FBN2: variants seen among roughly 807,000 people sequenced by gnomAD.
FBN2 encodes the protein fibrillin-2.
FBN2 carries 105 observed loss-of-function variants against 355.6 expected under a neutral mutation model. That is an observed-to-expected ratio of 0.30 (90% confidence interval 0.25 to 0.35). The LOEUF (loss-of-function observed/expected upper bound fraction) is 0.35. Ranked by LOEUF, FBN2 falls within the 10% of genes least tolerant of loss-of-function variation. The pLI is 1.00. For missense variants in FBN2, 3,280 were observed against 3,758.7 expected (o/e 0.87, Z 3.33); for synonymous variants, 1,350 against 1,301.2 (o/e 1.04, Z -0.81).
chr5:128,481,418 C>T (rs1280650596), intron 5 of FBN2, among the ~76,000 whole-genome samples: 1 of 152,148 alleles, frequency 6.6e-6, no homozygotes, highest in Non-Finnish European at 1.5e-5. Flanking sequence ...TGCCAGGAGA[C>T]TATGCGTCAT....
At chr5:128,445,472 A>T (rs996155564) in intron 7 of FBN2, among the ~76,000 whole-genome samples, 1 of 152,304 alleles carries the variant, frequency 6.6e-6, no homozygotes, top group Non-Finnish European at 1.5e-5. Context: ...ACTGCTGTTT[A>T]TCTTCTATAA....
intron 15 of FBN2, among the ~76,000 whole-genome samples, chr5:128,374,406 C>A (rs1335888471): frequency 6.6e-6 from 1 of 151,920 alleles, no homozygotes; most frequent in African/African-American, 2.4e-5. Flanking sequence ...TACTTTGTCA[C>A]AACGGACTTG....
In FBN2 at chr5:128,464,103, T is replaced by C. The variant is rs142440528; in HGVS notation, c.826+621A>G. On this transcript the variant is annotated intron_variant, in intron 6 of 64. Transcript: ENST00000262464. Reference sequence around the variant, plus strand: ...CAGTAAATAGGTAACAATTTTTGGCTACTTGGATTGCAGTCTACTAAGGTA... The same window carrying C: ...CAGTAAATAGGTAACAATTTTTGGCCACTTGGATTGCAGTCTACTAAGGTA... 2.6e-5 allele frequency among the ~76,000 whole-genome samples: 4 copies of C among 152,334 alleles called. No homozygotes were observed. The East Asian group carries it at 5.8e-4, about 22-fold the overall frequency.
chr5:128,476,469 G>A (rs1350116622), intron 5 of FBN2, among the ~76,000 whole-genome samples: 3 of 151,812 alleles, frequency 2.0e-5, no homozygotes, highest in Admixed American at 6.6e-5. Context: ...GAAAGTAGAA[G>A]TAGTAATAAT....
chr5:128,417,207 TC>T (rs1183032561), intron 7 of FBN2, among the ~76,000 whole-genome samples: 2 of 152,238 alleles, frequency 1.3e-5, no homozygotes, highest in Non-Finnish European at 2.9e-5. Context: ...GATTTTTTTA[TC>T]CTGAAAATTT....
chr5:128,268,348 C>A (rs1336287229), intron 62 of FBN2, among the ~76,000 whole-genome samples: 1 of 152,116 alleles, frequency 6.6e-6, no homozygotes, highest in Non-Finnish European at 1.5e-5. Flanking sequence ...CCTGAATAGA[C>A]CAATAACAAG....
At chr5:128,473,368 T>C (rs181764230) in intron 5 of FBN2, among the ~76,000 whole-genome samples, 5 of 152,340 alleles carry the variant, frequency 3.3e-5, no homozygotes, top group Non-Finnish European at 7.4e-5. Context: ...TCTTGAAAAC[T>C]AGAAAAATTA....
At chr5:128,468,225 C>T (rs988751024) in intron 5 of FBN2, among the ~76,000 whole-genome samples, 7 of 152,118 alleles carry the variant, frequency 4.6e-5, no homozygotes, top group African/African-American at 1.4e-4. Context: ...CTTCTTTCAC[C>T]TAGCATAATG....
chr5:128,379,853 A>C (rs1256350161), intron 11 of FBN2, among the ~76,000 whole-genome samples: 1 of 152,164 alleles, frequency 6.6e-6, no homozygotes, highest in African/African-American at 2.4e-5. Context: ...TGTAGAAGCC[A>C]TTAACATATA....
intron 16 of FBN2, among the ~76,000 whole-genome samples, chr5:128,368,507 T>TACAC (rs1751843491): frequency 6.7e-6 from 1 of 148,262 alleles, no homozygotes; most frequent in Non-Finnish European, 1.5e-5. Flanking sequence ...TACATATATA[T>TACAC]ATAATCAAAT....
At position 128,290,857 on chromosome 5, in the gene FBN2, T is replaced by G. The variant is rs183350360; in HGVS notation, c.6320A>C (p.Asn2107Thr). The part of the protein sequence containing the change: ...FDTRQSFCFT[N>T]FENGKCSVPK... ...TACAGAACACTTTCCATTTTCAAAA[T>G]TTGTGAAGCAGAAGCTCTGGCGAGT... Residue 2107 changes from asparagine (N) to threonine (T), a missense_variant, in exon 50 of 65, where the codon AAT becomes ACT. By Grantham distance (65) the Asn-to-Thr change is moderately conservative. Transcript: ENST00000262464. 14 of 1,614,116 alleles carry G rather than the reference T, an allele frequency of 8.7e-6. No homozygotes were observed. Among genetic ancestry groups the G allele is most frequent in the Non-Finnish European group, 1.2e-5 (14 of 1,179,974 alleles).
chr5:128,371,022 T>A (rs890964553), intron 15 of FBN2: 18 of 152,172 alleles, frequency 1.2e-4, no homozygotes, highest in Non-Finnish European at 2.4e-4. Flanking sequence ...TGTTAAGCAC[T>A]AAGCACACTG....
intron 8 of FBN2, among the ~76,000 whole-genome samples, chr5:128,395,814 G>A (rs1379488141): frequency 6.6e-6 from 1 of 152,226 alleles, no homozygotes; most frequent in African/African-American, 2.4e-5. Context: ...GGAAAGTGCA[G>A]GAGCATGAGC....
intron 25 of FBN2, among the ~76,000 whole-genome samples, chr5:128,343,769 A>G (rs1314634829): frequency 6.6e-6 from 1 of 152,216 alleles, no homozygotes; most frequent in Non-Finnish European, 1.5e-5. Context: ...AGTTTATATA[A>G]TTCTTGTGGA....
At chr5:128,492,398 A>G (rs1419347305) in intron 5 of FBN2, among the ~76,000 whole-genome samples, 1 of 152,234 alleles carries the variant, frequency 6.6e-6, no homozygotes, top group Non-Finnish European at 1.5e-5. Context: ...TCTGAATTAG[A>G]GCACACCTAT....
At position 128,361,823 on chromosome 5, in the gene FBN2, T is replaced by C; in HGVS notation, c.2454A>G (p.Arg818=). Residue 818 remains arginine, a synonymous_variant, in exon 19 of 65, where the codon AGA becomes AGG. Transcript: ENST00000262464. ...CIDIDECLVN[R]LLCDNGLCRN... ...GGCACAATCCGTTATCACAAAGCAG[T>C]CTGTTTACTAAACATTCATCAATGT... 6.2e-7 allele frequency: 1 copy of C among 1,614,114 alleles called. No homozygotes were observed. Among genetic ancestry groups the C allele is most frequent in the Non-Finnish European group, 8.5e-7 (1 of 1,179,954 alleles).
intron 5 of FBN2, among the ~76,000 whole-genome samples, chr5:128,480,579 G>A (rs1377709119): frequency 2.0e-5 from 3 of 152,118 alleles, no homozygotes; most frequent in South Asian, 2.1e-4. Flanking sequence ...GCATGAGGGC[G>A]GGTGTGTGTA....
chr5:128,312,923 T>A, intron 36 of FBN2, 128 bp from the exon 37 acceptor site: 1 of 1,038,762 alleles, frequency 9.6e-7, no homozygotes, highest in Non-Finnish European at 1.5e-6. Flanking sequence ...TTTTAATCCT[T>A]AAGTACCAAG....
intron 15 of FBN2, among the ~76,000 whole-genome samples, chr5:128,370,882 T>TA (rs1751915700): frequency 6.6e-6 from 1 of 152,156 alleles, no homozygotes; most frequent in Non-Finnish European, 1.5e-5. Context: ...TAGCATAACT[T>TA]ATGTGTAGGT....
Sources: gnomAD v4.1 joint callset for allele counts (sites outside exome capture counted in the v4.1 genomes callset) on GRCh38, gnomAD v4.1.1 for gene constraint, MANE v1.5 for transcripts, NCBI Gene and HGNC (gene_info 2026-07-23, HGNC 2026-07-21) for gene names.